The following PRR14L variants were observed in gnomAD, a reference collection of about 807,000 sequenced individuals.
PRR14L encodes proline rich 14 like.
In PRR14L, 80 loss-of-function variants were observed where a neutral mutation model predicts 155.0. The ratio of observed to expected loss-of-function variants is 0.52; its 90% CI spans 0.43 to 0.62. The LOEUF (loss-of-function observed/expected upper bound fraction) is 0.62, where lower values mean the gene tolerates loss of function less well. Among genes scored for constraint, PRR14L ranks in the 20% least tolerant of loss-of-function variants. PRR14L has a pLI of 0.00. For synonymous variants in PRR14L, 883 were observed against 916.0 expected, an observed-to-expected ratio of 0.96 and a Z score of 0.65; for missense variants, 2,469 against 2,548.0, an observed-to-expected ratio of 0.97 and a Z score of 0.67.
chr22:31,736,833 T>G (rs115983276), intron 2 of PRR14L, among the ~76,000 whole-genome samples: 1,638 of 151,812 alleles, frequency 0.011, 28 homozygotes, highest in African/African-American at 0.036. Context: ...GGTCAGGAGT[T>G]TGAACCCAGC....
At chr22:31,699,930 G>C (rs890487668) in intron 7 of PRR14L, among the ~76,000 whole-genome samples, 7 of 151,324 alleles carry the variant, frequency 4.6e-5, no homozygotes, top group African/African-American at 1.7e-4. Context: ...AGACATCCTA[G>C]GTTTAGGCAA....
chr22:31,725,659 T>C, intron 2 of PRR14L, 49 bp from the exon 3 acceptor site: 2 of 1,018,896 alleles, frequency 2.0e-6, no homozygotes, highest in Non-Finnish European at 1.5e-6. Context: ...AGATTCTGAG[T>C]TAATGAATAT....
intron 7 of PRR14L, among the ~76,000 whole-genome samples, chr22:31,700,017 G>C (rs571770960): frequency 6.6e-6 from 1 of 152,184 alleles, no homozygotes; most frequent in South Asian, 2.1e-4. Context: ...AAGGGAAAGA[G>C]GATCTGGCAT....
intron 3 of PRR14L, among the ~76,000 whole-genome samples, chr22:31,720,418 G>A (rs998208117): frequency 2.0e-5 from 3 of 152,076 alleles, no homozygotes; most frequent in African/African-American, 4.8e-5. Context: ...TACAGCAGAC[G>A]GTGCTACCCT....
At position 31,715,341 on chromosome 22, in the gene PRR14L, T is replaced by C. The variant is rs1403344807; in HGVS notation, c.2498A>G (p.His833Arg). ...AGAGTGTCCTGTTCCTTGGCAGCAG[T>C]GATCACGGTGCTGAAATGCATTTTC... ...KYENAFQHRD[H>R]CCQGTGHSVE... is the part of the protein sequence containing the mutation. Residue 833 changes from histidine (H) to arginine (R), a missense_variant, in exon 4 of 9, where the codon CAC becomes CGC. By Grantham distance (29) the His-to-Arg change is conservative. Around this residue, in one of 2 missense-constraint regions of PRR14L, gnomAD observed 2,363 missense variants for 2,371.6 expected, o/e 1.00. Coordinates refer to ENST00000327423, the MANE Select transcript of PRR14L (RefSeq NM_173566.3). 1.6e-5 allele frequency: 25 copies of C among 1,552,102 alleles called. No individual in the cohort carries two copies. Among genetic ancestry groups the C allele is most frequent in the Non-Finnish European group, 2.2e-5 (25 of 1,147,074 alleles).
intron 1 of PRR14L, among the ~76,000 whole-genome samples, chr22:31,740,314 G>A (rs1258568885): frequency 1.3e-5 from 2 of 152,146 alleles, no homozygotes; most frequent in Non-Finnish European, 2.9e-5. Context: ...CCGCCTCCCA[G>A]GTTCAAGTGA....
intron 2 of PRR14L, among the ~76,000 whole-genome samples, chr22:31,730,877 T>C (rs558103988): frequency 6.6e-6 from 1 of 152,292 alleles, no homozygotes; most frequent in Non-Finnish European, 1.5e-5. Context: ...ACAAAGAAAG[T>C]CAGCAAACGG....
Position 31,716,422 on chromosome 22 carries a change from T to A in PRR14L, c.1417A>T (p.Asn473Tyr). ...ACAGTAATTTTCAAATCATTTTTAT[T>A]TAACATTACTTCTGTGGCTTCAGTA... ...SFTEATEVML[N>Y]KNDLKITVHV... Residue 473 changes from asparagine to tyrosine, a missense_variant, in exon 4 of 9, where the codon AAT becomes TAT. Asn to Tyr is a moderately radical substitution (Grantham distance 143). Transcript: ENST00000327423. 6.4e-7 allele frequency: 1 copy of A among 1,550,806 alleles called. No individual in the cohort carries two copies. The highest frequency in any genetic ancestry group is 8.7e-7 in the Non-Finnish European group (1 of 1,146,694).
At position 31,682,153 on chromosome 22, in the gene PRR14L, G is replaced by T. The variant is rs1047099193; in HGVS notation, c.*3374C>A. On this transcript the variant is annotated 3_prime_UTR_variant, in exon 9 of 9. Coordinates refer to ENST00000327423, the MANE Select transcript of PRR14L (RefSeq NM_173566.3). Reference sequence around the variant, plus strand: ...CCGCGGCCTTGGATCTGCTGCTCCCGTCCTGTACGCTCCCTGCTGCTCTTG... The same window carrying T: ...CCGCGGCCTTGGATCTGCTGCTCCCTTCCTGTACGCTCCCTGCTGCTCTTG... 6.6e-6 allele frequency: 1 copy of T among 152,242 alleles called. No homozygotes were observed. Among genetic ancestry groups the T allele is most frequent in the Non-Finnish European group, 1.5e-5 (1 of 68,088 alleles). 9.4% of individuals were successfully genotyped at this position (152,242 alleles called of 1,614,324 possible).
intron 3 of PRR14L, among the ~76,000 whole-genome samples, chr22:31,719,316 G>A (rs548784344): frequency 5.2e-4 from 79 of 151,966 alleles, no homozygotes; most frequent in African/African-American, 1.8e-3. Context: ...GGGAGGCTGA[G>A]GCAGGAGGAT....
In PRR14L at chr22:31,703,679, C is replaced by A. The variant is rs1384691967; in HGVS notation, c.5871G>T (p.Leu1957Phe). Residue 1957 changes from leucine (L) to phenylalanine (F), a missense_variant, in exon 6 of 9, where the codon TTG becomes TTT. Physicochemically the swap from Leu to Phe is conservative, Grantham distance 22. Coordinates refer to ENST00000327423, the MANE Select transcript of PRR14L (RefSeq NM_173566.3). ...GCTTGCTGACAGCTGATTCTGCTACCAAGCAAGACTTTGGTACCAAGGCAG... is the reference window on the plus strand; with the variant it reads ...GCTTGCTGACAGCTGATTCTGCTACAAAGCAAGACTTTGGTACCAAGGCAG... ...PFPALVPKSC[L>F]VAESAVSKLL... is the part of the protein sequence containing the mutation. The A allele has an allele frequency of 6.2e-7, 1 of 1,608,928 alleles. No individual in the cohort carries two copies.
chr22:31,685,796 C>G lies in PRR14L; in HGVS notation c.6187G>C (p.Glu2063Gln). 1 of 1,551,456 alleles carries G rather than the reference C, an allele frequency of 6.4e-7. No homozygotes were observed. The highest frequency in any genetic ancestry group is 8.7e-7 in the Non-Finnish European group (1 of 1,146,856). Residue 2063 changes from glutamate (E) to glutamine (Q), a missense_variant, in exon 9 of 9, where the codon GAG becomes CAG. Physicochemically the swap from Glu to Gln is conservative, Grantham distance 29. This residue lies in a region of PRR14L where 106 missense variants were observed against 176.4 expected (regional missense o/e 0.60). Transcript: ENST00000327423. ...YKSPPANRCL[E>Q]TIFEEPKERN... Reference sequence around the variant, plus strand: ...TCCTTGGGTTCCTCAAAGATGGTCTCTAAACACCTAAGGATGAAGCACGAA... The same window carrying G: ...TCCTTGGGTTCCTCAAAGATGGTCTGTAAACACCTAAGGATGAAGCACGAA...
chr22:31,715,285 T>G lies in PRR14L; in HGVS notation c.2554A>C (p.Thr852Pro), dbSNP rs1198612803. ...CCATCAAGTTCCCTTTCCTGTGATG[T>G]GTAACTCACTTTACAGCTGCTTTTT... is the stretch of plus-strand genomic sequence containing the variant. ...VEKSSCKVSY[T>P]SQERELDGKE... The change falls in exon 4 of 9, where the codon ACA becomes CCA. Residue 852 changes from threonine to proline, a missense_variant. Transcript: ENST00000327423. 6.4e-7 allele frequency: 1 copy of G among 1,552,270 alleles called. No homozygotes were observed. Among genetic ancestry groups the G allele is most frequent in the Non-Finnish European group, 8.7e-7 (1 of 1,147,110 alleles).
intron 7 of PRR14L, among the ~76,000 whole-genome samples, chr22:31,698,467 CAACTACATCTCAA>C (rs151238511): frequency 0.015 from 2,246 of 150,218 alleles, 62 homozygotes; most frequent in African/African-American, 0.053. Flanking sequence ...GCCTGGGCAA[CAACTACATCTCAA>C]AACTACATCT....
At chr22:31,696,930 C>T (rs1346592325) in intron 7 of PRR14L, among the ~76,000 whole-genome samples, 1 of 152,102 alleles carries the variant, frequency 6.6e-6, no homozygotes, top group Non-Finnish European at 1.5e-5. Context: ...GCTTGGCCAA[C>T]ATGGTGAAAC....
rs1370584820 is a variant in PRR14L at position 31,697,005 on chromosome 22, C to T, written c.6107+4651G>A. Among the ~76,000 whole-genome samples the T allele has an allele frequency of 1.7e-4, 26 of 152,100 alleles. 1 individual carries two copies. On this transcript the variant is annotated intron_variant, in intron 7 of 8. Transcript: ENST00000327423. Reference sequence around the variant, plus strand: ...TGGCGTGTGCCTGTGATACCAGCTACGCGGGGGGCTGAGGCAGGAGAATCG... The same window carrying T: ...TGGCGTGTGCCTGTGATACCAGCTATGCGGGGGGCTGAGGCAGGAGAATCG...
intron 7 of PRR14L, among the ~76,000 whole-genome samples, chr22:31,696,804 A>G (rs1419613225): frequency 1.3e-5 from 2 of 152,174 alleles, no homozygotes; most frequent in African/African-American, 4.8e-5. Context: ...GTTAAGAGAG[A>G]AGAGTGCCTT....
intron 7 of PRR14L, among the ~76,000 whole-genome samples, chr22:31,697,408 T>C (rs1252061503): frequency 6.6e-6 from 1 of 152,110 alleles, no homozygotes; most frequent in Non-Finnish European, 1.5e-5. Flanking sequence ...TCGTTCACCT[T>C]GATTATCATC....
At chr22:31,685,883 TGG>T (rs2074479730) in intron 8 of PRR14L, 80 bp from the exon 9 acceptor site, 4 of 1,308,262 alleles carry the variant, frequency 3.1e-6, no homozygotes, top group Non-Finnish European at 4.2e-6. Flanking sequence ...ATGTTGACGC[TGG>T]GTCAACAACC....
Sources: gnomAD v4.1 joint callset for allele counts (sites outside exome capture counted in the v4.1 genomes callset) on GRCh38, gnomAD v4.1.1 for gene constraint, gnomAD v4.1.1 regional missense constraint, MANE v1.5 for transcripts, NCBI Gene and HGNC (gene_info 2026-07-23, HGNC 2026-07-21) for gene names.